Variants in AKAP7 observed in about 807,000 individuals in gnomAD.
The protein encoded by AKAP7 is A kinase (PRKA) anchor protein 7.
AKAP7 carries 39 observed loss-of-function variants against 39.5 expected under a neutral mutation model. The observed-to-expected ratio is 0.99, with a 90% CI of 0.76 to 1.29. The LOEUF is 1.29. Ranked by LOEUF, AKAP7 falls within the 50% of genes most tolerant of loss-of-function variation. AKAP7 has a pLI of 0.00. For missense variants in AKAP7, 414 were observed against 407.7 expected, an observed-to-expected ratio of 1.02 and a Z score of -0.13; for synonymous variants, 140 against 139.1, an observed-to-expected ratio of 1.01 and a Z score of -0.05.
At chr6:131,184,784 C>T (rs775515885) in intron 5 of AKAP7, 32 of 1,359,358 alleles carry the variant, frequency 2.4e-5, no homozygotes, top group Middle Eastern at 1.8e-4. Flanking sequence ...TCTTTGTCCT[C>T]GCCCTCCTCA....
At chr6:131,241,626 T>TAC (rs1562238177) in intron 7 of AKAP7, among the ~76,000 whole-genome samples, 39 of 135,654 alleles carry the variant, frequency 2.9e-4, no homozygotes, top group South Asian at 9.2e-4. Flanking sequence ...TGTGTGTGTG[T>TAC]GTATATATAT....
At chr6:131,185,234 G>C (rs150419404) in intron 5 of AKAP7, 4 of 472,970 alleles carry the variant, frequency 8.5e-6, no homozygotes, top group African/African-American at 7.9e-5. Flanking sequence ...CTTCACAGGG[G>C]TGGGCTCACC....
chr6:131,224,709 G>A, intron 7 of AKAP7, among the ~76,000 whole-genome samples: 1 of 97,332 alleles, frequency 1.0e-5, no homozygotes, highest in South Asian at 3.3e-4. Flanking sequence ...TGCTACGTTT[G>A]TAAAGTTTCC....
chr6:131,192,914 T>G (rs1806560207), intron 5 of AKAP7, among the ~76,000 whole-genome samples: 1 of 152,220 alleles, frequency 6.6e-6, no homozygotes, highest in Non-Finnish European at 1.5e-5. Flanking sequence ...TGCTACTGAC[T>G]TTTGTATGTT....
intron 5 of AKAP7, among the ~76,000 whole-genome samples, chr6:131,170,189 C>G (rs1463745599): frequency 1.3e-5 from 2 of 149,960 alleles, no homozygotes; most frequent in East Asian, 2.0e-4. Context: ...GGAGATATAC[C>G]TAATGCTAGA....
intron 2 of AKAP7, among the ~76,000 whole-genome samples, chr6:131,149,349 G>A (rs1801728161): frequency 6.6e-6 from 1 of 152,146 alleles, no homozygotes; most frequent in African/African-American, 2.4e-5. Context: ...AGAAATGATG[G>A]GGAGGCTGGG....
intron 7 of AKAP7, among the ~76,000 whole-genome samples, chr6:131,260,361 G>A (rs1243005786): frequency 1.3e-5 from 2 of 152,052 alleles, no homozygotes; most frequent in East Asian, 3.9e-4. Flanking sequence ...CTGGTTCTGG[G>A]TCTTTGAGGA....
At chr6:131,239,132 G>T (rs1287138357) in intron 7 of AKAP7, among the ~76,000 whole-genome samples, 3 of 152,154 alleles carry the variant, frequency 2.0e-5, no homozygotes, top group African/African-American at 7.2e-5. Flanking sequence ...GCATTTGCTT[G>T]TCTGTAAAGG....
intron 2 of AKAP7, among the ~76,000 whole-genome samples, chr6:131,148,201 G>A (rs1801628915): frequency 6.6e-6 from 1 of 152,116 alleles, no homozygotes; most frequent in Middle Eastern, 3.2e-3. Flanking sequence ...TATACTAGGG[G>A]CTCAGGCCAG....
At chr6:131,136,808 T>A (rs1800582305) in intron 1 of AKAP7, 1 of 974,260 alleles carries the variant, frequency 1.0e-6, no homozygotes, top group Admixed American at 6.2e-5. Context: ...AAGTAACTTG[T>A]TGATTTCTAC....
rs377665468 is a variant in AKAP7 at position 131,209,440 on chromosome 6, C to T, written c.702+9867C>T. On this transcript the variant is annotated intron_variant, in intron 6 of 7. Coordinates refer to ENST00000431975, the MANE Select transcript of AKAP7 (RefSeq NM_016377.4). ...TAATTTTTTGTATTTTTAGTAGAGACGGGATTTCACCATGTTAGCCAGGAT... is the reference window on the plus strand; with the variant it reads ...TAATTTTTTGTATTTTTAGTAGAGATGGGATTTCACCATGTTAGCCAGGAT... Among the ~76,000 whole-genome samples, 48 of 152,054 alleles carry T rather than the reference C, an allele frequency of 3.2e-4. No individual in the cohort carries two copies. In the East Asian group the frequency reaches 4.9e-3, roughly 15 times the overall value.
chr6:131,179,660 C>T (rs552145914), intron 5 of AKAP7, among the ~76,000 whole-genome samples: 134 of 152,142 alleles, frequency 8.8e-4, no homozygotes, highest in Admixed American at 7.7e-3. Flanking sequence ...TTGAGCTCAG[C>T]GGTTTAAGAC....
At chr6:131,225,725 G>T (rs1810106593) in intron 7 of AKAP7, among the ~76,000 whole-genome samples, 1 of 151,864 alleles carries the variant, frequency 6.6e-6, no homozygotes, top group Non-Finnish European at 1.5e-5. Context: ...ATTAATATAG[G>T]TTCTCATACA....
At chr6:131,257,641 G>C (rs1479179451) in intron 7 of AKAP7, among the ~76,000 whole-genome samples, 2 of 152,140 alleles carry the variant, frequency 1.3e-5, no homozygotes, top group African/African-American at 4.8e-5. Context: ...ATTTGATAGA[G>C]AGCCTGTCTT....
chr6:131,147,715 T>C (rs965259263), intron 2 of AKAP7, among the ~76,000 whole-genome samples: 1 of 152,250 alleles, frequency 6.6e-6, no homozygotes, highest in Admixed American at 6.5e-5. Flanking sequence ...AGCCATGCCC[T>C]GTGTGCCCAC....
chr6:131,253,537 A>G (rs895652631), intron 7 of AKAP7, among the ~76,000 whole-genome samples: 1 of 152,186 alleles, frequency 6.6e-6, no homozygotes, highest in African/African-American at 2.4e-5. Context: ...TGTGCTGTCA[A>G]ACATTAGAAC....
chr6:131,244,155 G>C (rs1235726463), intron 7 of AKAP7, among the ~76,000 whole-genome samples: 1 of 152,114 alleles, frequency 6.6e-6, no homozygotes, highest in Non-Finnish European at 1.5e-5. Flanking sequence ...ATAAGTGACT[G>C]TTATTGGCCT....
At chr6:131,142,966 T>C (rs1449585975) in intron 1 of AKAP7, among the ~76,000 whole-genome samples, 1 of 152,242 alleles carries the variant, frequency 6.6e-6, no homozygotes, top group African/African-American at 2.4e-5. Flanking sequence ...TGGACTTATG[T>C]GGAGCCTGTT....
At chr6:131,140,098 A>G (rs1584927323) in intron 1 of AKAP7, among the ~76,000 whole-genome samples, 2 of 152,284 alleles carry the variant, frequency 1.3e-5, no homozygotes, top group East Asian at 3.9e-4. Context: ...TGTGAGGTCA[A>G]GGTATAGAAG....
Sources: gnomAD v4.1 joint callset for allele counts (sites outside exome capture counted in the v4.1 genomes callset) on GRCh38, gnomAD v4.1.1 for gene constraint, MANE v1.5 for transcripts, NCBI Gene and HGNC (gene_info 2026-07-23, HGNC 2026-07-21) for gene names.